The following PVT1 variants were observed in gnomAD, a reference collection of about 807,000 sequenced individuals.
PVT1 encodes Pvt1 oncogene.
chr8:127,894,045 A>G (rs773282825), intron 3 of PVT1, among the ~76,000 whole-genome samples: 1 of 152,204 alleles, frequency 6.6e-6, no homozygotes, highest in Non-Finnish European at 1.5e-5. Context: ...GCTTTCAGCC[A>G]CTTAGAAGAG....
intron 4 of PVT1, among the ~76,000 whole-genome samples, chr8:128,017,796 G>C (rs1032360774): frequency 5.8e-4 from 88 of 151,918 alleles, no homozygotes; most frequent in African/African-American, 2.1e-3. Flanking sequence ...CATTTATATC[G>C]GCAGCCATCA....
chr8:128,019,722 G>T (rs1461548438), intron 4 of PVT1, among the ~76,000 whole-genome samples: 2 of 152,160 alleles, frequency 1.3e-5, no homozygotes, highest in African/African-American at 2.4e-5. Flanking sequence ...CTCACTTGTG[G>T]GATGGGGTTT....
intron 3 of PVT1, among the ~76,000 whole-genome samples, chr8:127,925,673 C>T (rs1297204926): frequency 6.6e-6 from 1 of 151,312 alleles, no homozygotes; most frequent in African/African-American, 2.4e-5. Flanking sequence ...TGGAGTTTTA[C>T]TTTTGTTGCC....
At chr8:127,900,309 G>A (rs1815742543) in intron 3 of PVT1, among the ~76,000 whole-genome samples, 1 of 151,918 alleles carries the variant, frequency 6.6e-6, no homozygotes, top group African/African-American at 2.4e-5. Flanking sequence ...CCAAAGTGCT[G>A]GGATTACAGG....
chr8:127,825,535 G>A (rs1586395438), intron 2 of PVT1, among the ~76,000 whole-genome samples: 2 of 152,248 alleles, frequency 1.3e-5, no homozygotes, highest in Non-Finnish European at 1.5e-5. Flanking sequence ...GAGTAGCTTT[G>A]AAGGGGCACA....
At chr8:127,909,395 G>C (rs1815863713) in intron 3 of PVT1, among the ~76,000 whole-genome samples, 1 of 152,214 alleles carries the variant, frequency 6.6e-6, no homozygotes, top group African/African-American at 2.4e-5. Context: ...TCTCGAGAGA[G>C]AGAGGGCCTG....
chr8:127,846,361 T>C (rs1815033853), intron 2 of PVT1, among the ~76,000 whole-genome samples: 1 of 152,210 alleles, frequency 6.6e-6, no homozygotes, highest in Non-Finnish European at 1.5e-5. Context: ...CCTTTCCTGG[T>C]CTCCTCTCTC....
chr8:128,075,001 T>C (rs1221274401), intron 5 of PVT1, among the ~76,000 whole-genome samples: 1 of 152,260 alleles, frequency 6.6e-6, no homozygotes, highest in East Asian at 1.9e-4. Context: ...TCATGGGGGT[T>C]ATATGTTTAC....
At chr8:127,901,578 T>G (rs1815759558) in intron 3 of PVT1, among the ~76,000 whole-genome samples, 1 of 152,176 alleles carries the variant, frequency 6.6e-6, no homozygotes, top group Admixed American at 6.5e-5. Context: ...TCTTTTCTTT[T>G]TTTTATTTTT....
At chr8:127,873,282 C>G (rs762354266) in intron 2 of PVT1, among the ~76,000 whole-genome samples, 2 of 152,130 alleles carry the variant, frequency 1.3e-5, no homozygotes, top group Non-Finnish European at 2.9e-5. Context: ...AGCTCTTTTA[C>G]TTGCTGGGTA....
intron 2 of PVT1, among the ~76,000 whole-genome samples, chr8:127,847,778 A>G (rs1400004528): frequency 6.6e-6 from 1 of 152,164 alleles, no homozygotes; most frequent in Non-Finnish European, 1.5e-5. Flanking sequence ...GGGATGTAAA[A>G]ATGTGTCTTT....
chr8:128,017,614 T>A (rs1817388795), intron 4 of PVT1, among the ~76,000 whole-genome samples: 1 of 151,978 alleles, frequency 6.6e-6, no homozygotes, highest in Non-Finnish European at 1.5e-5. Flanking sequence ...TTTTTTAATT[T>A]TTTTAGAGGC....
At chr8:128,005,465 A>G (rs529816518) in intron 4 of PVT1, among the ~76,000 whole-genome samples, 22 of 152,310 alleles carry the variant, frequency 1.4e-4, no homozygotes, top group Non-Finnish European at 2.9e-4. Flanking sequence ...CTAAATAGCA[A>G]ACCTCTCAAA....
intron 2 of PVT1, among the ~76,000 whole-genome samples, chr8:127,832,545 G>T (rs1389888517): frequency 6.6e-6 from 1 of 152,230 alleles, no homozygotes; most frequent in Admixed American, 6.5e-5. Context: ...TGTCACTAGA[G>T]GTAATCAAGA....
At chr8:127,889,807 A>G (rs1401846172) in intron 2 of PVT1, among the ~76,000 whole-genome samples, 1 of 152,218 alleles carries the variant, frequency 6.6e-6, no homozygotes, top group Non-Finnish European at 1.5e-5. Flanking sequence ...TTGAGAGATC[A>G]TATCAGATGG....
chr8:127,965,905 G>T (rs1816698691), intron 3 of PVT1, among the ~76,000 whole-genome samples: 1 of 152,150 alleles, frequency 6.6e-6, no homozygotes, highest in African/African-American at 2.4e-5. Flanking sequence ...GAGGCAAGGA[G>T]GTTACAGGAT....
rs558228542 is a variant in PVT1, at chr8:128,053,811, C to G, written n.913-16349C>G. 6.6e-5 allele frequency among the ~76,000 whole-genome samples: 10 copies of G among 152,336 alleles called. 1 individual carries two copies. The highest frequency in any genetic ancestry group is 2.4e-4 in the African/African-American group (10 of 41,568). On this transcript the variant is annotated intron_variant and non_coding_transcript_variant, in intron 4 of 10. Coordinates refer to ENST00000651587, the Ensembl canonical transcript of PVT1. ...CAGCTGCACCAGCACAGTGGACTGGCTGAGCAACCAGAAGGGTTGGGGCAA... is the reference window on the plus strand; with the variant it reads ...CAGCTGCACCAGCACAGTGGACTGGGTGAGCAACCAGAAGGGTTGGGGCAA...
intron 2 of PVT1, among the ~76,000 whole-genome samples, chr8:127,856,743 C>G (rs1459586440): frequency 6.6e-6 from 1 of 152,162 alleles, no homozygotes; most frequent in Non-Finnish European, 1.5e-5. Context: ...GTCATTATCC[C>G]CATTCAATAG....
Position 127,908,481 on chromosome 8 carries a change from A to G in PVT1, n.782+17483A>G, listed in dbSNP as rs182325675. Reference sequence around the variant, plus strand: ...CTCAGCCTCCTGAGTAGCTGGGATTACAGGGTTGTGCCACCACGCCCGGCT... The same window carrying G: ...CTCAGCCTCCTGAGTAGCTGGGATTGCAGGGTTGTGCCACCACGCCCGGCT... On this transcript the variant is annotated intron_variant and non_coding_transcript_variant, in intron 3 of 10. Coordinates refer to ENST00000651587, the Ensembl canonical transcript of PVT1. Among the ~76,000 whole-genome samples, 51 of 151,766 alleles carry G rather than the reference A, an allele frequency of 3.4e-4. No individual in the cohort carries two copies. The East Asian group carries it at 9.3e-3, about 28-fold the overall frequency.
Sources: gnomAD v4.1 joint callset for allele counts (sites outside exome capture counted in the v4.1 genomes callset) on GRCh38, gnomAD v4.1.1 for gene constraint, MANE v1.5 for transcripts, NCBI Gene and HGNC (gene_info 2026-07-23, HGNC 2026-07-21) for gene names.